Variants in MALRD1 observed in about 807,000 individuals in gnomAD.
The protein encoded by MALRD1 is MAM and LDL receptor class A domain containing 1, also known as MAM and LDL-receptor class A domain-containing protein 1.
Under a neutral mutation model 242.1 loss-of-function variants are expected in MALRD1, and 247 were observed. That is an observed-to-expected ratio of 1.02 (90% CI 0.92 to 1.13). The LOEUF (loss-of-function observed/expected upper bound fraction) is 1.13, where lower values mean the gene tolerates loss of function less well. Ranked by LOEUF, MALRD1 falls within the 50% of genes most tolerant of loss-of-function variation. The probability of loss-of-function intolerance (pLI) is 0.00; values close to 1 mark genes in which losing one functional copy is unlikely to be tolerated. For synonymous variants in MALRD1, 995 were observed against 866.6 expected, an observed-to-expected ratio of 1.15 and a Z score of -2.60; for missense variants, 2,989 against 2,533.1, an observed-to-expected ratio of 1.18 and a Z score of -3.86.
intron 13 of MALRD1, among the ~76,000 whole-genome samples, chr10:19,171,845 T>C (rs1366652461): frequency 6.9e-6 from 1 of 144,704 alleles, no homozygotes; most frequent in Non-Finnish European, 1.5e-5. Flanking sequence ...TACACATATA[T>C]ACACATACAT....
intron 18 of MALRD1, among the ~76,000 whole-genome samples, chr10:19,211,569 C>A (rs577223160): frequency 1.3e-5 from 2 of 151,430 alleles, no homozygotes; most frequent in African/African-American, 4.9e-5. Context: ...CACCTGTAAT[C>A]CCAGCTACTT....
intron 21 of MALRD1, among the ~76,000 whole-genome samples, chr10:19,323,319 T>G (rs569417395): frequency 2.6e-4 from 40 of 152,278 alleles, no homozygotes; most frequent in Admixed American, 1.1e-3. Context: ...GGCCTCATTT[T>G]ATTCACATTA....
chr10:19,395,691 C>T (rs1306578904), intron 28 of MALRD1, among the ~76,000 whole-genome samples: 1 of 152,166 alleles, frequency 6.6e-6, no homozygotes, highest in African/African-American at 2.4e-5. Context: ...GAGTTTAATT[C>T]AGTTAGTTGC....
chr10:19,408,831 G>A (rs1833148784), intron 28 of MALRD1, among the ~76,000 whole-genome samples: 1 of 152,130 alleles, frequency 6.6e-6, no homozygotes, highest in Non-Finnish European at 1.5e-5. Flanking sequence ...TTGCTCCTGA[G>A]AATATAAAAT....
intron 5 of MALRD1, among the ~76,000 whole-genome samples, chr10:19,105,193 A>C (rs1219171965): frequency 6.6e-6 from 1 of 152,022 alleles, no homozygotes; most frequent in Non-Finnish European, 1.5e-5. Flanking sequence ...AGCCTCTGGT[A>C]ACCACTATTC....
chr10:19,155,571 C>A (rs985596871), intron 12 of MALRD1, among the ~76,000 whole-genome samples: 3 of 152,118 alleles, frequency 2.0e-5, no homozygotes, highest in Admixed American at 2.0e-4. Flanking sequence ...TTAAATGAGT[C>A]CTCTGGTGCC....
At chr10:19,616,818 A>G (rs1022461939) in intron 36 of MALRD1, among the ~76,000 whole-genome samples, 2 of 152,020 alleles carry the variant, frequency 1.3e-5, no homozygotes, top group Non-Finnish European at 2.9e-5. Context: ...ATATTTAGAC[A>G]CTGCTTTAGT....
chr10:19,694,952 C>T (rs1177029912), intron 38 of MALRD1, among the ~76,000 whole-genome samples: 3 of 152,138 alleles, frequency 2.0e-5, no homozygotes, highest in Non-Finnish European at 4.4e-5. Flanking sequence ...AACCATCATT[C>T]TCAGCAAACT....
At chr10:19,694,459 GAC>G (rs1473701035) in intron 38 of MALRD1, among the ~76,000 whole-genome samples, 2 of 152,134 alleles carry the variant, frequency 1.3e-5, no homozygotes, top group African/African-American at 2.4e-5. Context: ...GCAGCCAACA[GAC>G]ACATGAAAAA....
chr10:19,718,924 T>C (rs1179567289), intron 38 of MALRD1, among the ~76,000 whole-genome samples: 1 of 151,442 alleles, frequency 6.6e-6, no homozygotes, highest in Non-Finnish European at 1.5e-5. Flanking sequence ...CCCAGTGCTT[T>C]GTGAGGCCAA....
chr10:19,503,974 T>C (rs1284621508), intron 31 of MALRD1, among the ~76,000 whole-genome samples: 2 of 152,218 alleles, frequency 1.3e-5, no homozygotes, highest in African/African-American at 4.8e-5. Flanking sequence ...CATACAAGCT[T>C]ACTATCATGC....
intron 12 of MALRD1, 123 bp from the exon 13 acceptor site, chr10:19,165,514 C>T: frequency 1.5e-6 from 1 of 680,882 alleles, no homozygotes; most frequent in South Asian, 7.8e-5. Flanking sequence ...GCCTGTAATC[C>T]CAGCACTTTG....
chr10:19,634,318 T>C (rs1010521087), intron 36 of MALRD1, among the ~76,000 whole-genome samples: 8 of 152,190 alleles, frequency 5.3e-5, no homozygotes, highest in African/African-American at 1.9e-4. Flanking sequence ...ACTTAGTCGA[T>C]GATCAACCTT....
intron 26 of MALRD1, among the ~76,000 whole-genome samples, chr10:19,386,226 G>C (rs1373644093): frequency 1.3e-5 from 2 of 152,046 alleles, no homozygotes; most frequent in Non-Finnish European, 2.9e-5. Flanking sequence ...TGTATCACCA[G>C]CCGTTTCCAG....
chr10:19,285,235 G>C (rs1408721674), intron 21 of MALRD1, among the ~76,000 whole-genome samples: 6 of 142,986 alleles, frequency 4.2e-5, no homozygotes, highest in Non-Finnish European at 7.6e-5. Context: ...TTCTTTTGCT[G>C]TGCAGAAGCT....
At chr10:19,585,974 T>G (rs6481985) in intron 33 of MALRD1, among the ~76,000 whole-genome samples, 79,228 of 151,884 alleles carry the variant, frequency 0.52, 20,813 homozygotes, top group African/African-American at 0.55. Flanking sequence ...ATTTCATTCA[T>G]TTCATCTTCC....
At chr10:19,604,348 T>C (rs1453897281) in intron 34 of MALRD1, among the ~76,000 whole-genome samples, 1 of 152,168 alleles carries the variant, frequency 6.6e-6, no homozygotes, top group East Asian at 1.9e-4. Context: ...CTATCCAGAC[T>C]TTCTGTCAAA....
intron 36 of MALRD1, among the ~76,000 whole-genome samples, chr10:19,627,582 A>G (rs1053127907): frequency 1.3e-5 from 2 of 151,954 alleles, no homozygotes; most frequent in Non-Finnish European, 2.9e-5. Context: ...CTAAAAATAT[A>G]AAAATACAAT....
At chr10:19,147,093 G>A (rs1007247768) in intron 11 of MALRD1, among the ~76,000 whole-genome samples, 1 of 152,088 alleles carries the variant, frequency 6.6e-6, no homozygotes, top group Non-Finnish European at 1.5e-5. Flanking sequence ...CTGGCCTCAA[G>A]CAATCCTCTC....
Sources: gnomAD v4.1 joint callset for allele counts (sites outside exome capture counted in the v4.1 genomes callset) on GRCh38, gnomAD v4.1.1 for gene constraint, MANE v1.5 for transcripts, NCBI Gene and HGNC (gene_info 2026-07-23, HGNC 2026-07-21) for gene names.